Variants in RIMS1 observed in about 807,000 individuals in gnomAD.
RIMS1 encodes regulating synaptic membrane exocytosis 1.
Under a neutral mutation model 214.1 loss-of-function variants are expected in RIMS1, and 83 were observed. That is an observed-to-expected ratio of 0.39 (90% CI 0.32 to 0.47). The LOEUF (loss-of-function observed/expected upper bound fraction) is 0.47. Ranked by LOEUF, RIMS1 falls within the 20% of genes least tolerant of loss-of-function variation. The pLI, the probability that RIMS1 is intolerant of heterozygous loss-of-function variation, is 0.99. For synonymous variants in RIMS1, 793 were observed against 786.8 expected (o/e 1.01, Z -0.13); for missense variants, 2,050 against 2,161.8 (o/e 0.95, Z 1.03).
chr6:71,959,932 A>G (rs963888346), intron 1 of RIMS1, among the ~76,000 whole-genome samples: 1 of 152,252 alleles, frequency 6.6e-6, no homozygotes, highest in African/African-American at 2.4e-5. Flanking sequence ...AATATATGAT[A>G]TGTGACTATG....
intron 1 of RIMS1, among the ~76,000 whole-genome samples, chr6:71,962,909 C>T (rs1327575642): frequency 1.3e-5 from 2 of 151,968 alleles, no homozygotes; most frequent in Non-Finnish European, 2.9e-5. Flanking sequence ...CATAGTATTC[C>T]AGTATTGCCA....
At chr6:72,287,705 C>T (rs2092606652) in intron 24 of RIMS1, among the ~76,000 whole-genome samples, 1 of 151,660 alleles carries the variant, frequency 6.6e-6, no homozygotes, top group Admixed American at 6.6e-5. Context: ...AAGTGATTCT[C>T]CTGCCTCAGC....
intron 2 of RIMS1, among the ~76,000 whole-genome samples, chr6:72,039,571 C>A (rs2152074121): frequency 6.6e-6 from 1 of 152,130 alleles, no homozygotes. Flanking sequence ...GAAAAAGGTG[C>A]CCTTCATTAA....
At chr6:72,340,078 GTCT>G (rs1184299858) in intron 29 of RIMS1, among the ~76,000 whole-genome samples, 6 of 152,162 alleles carry the variant, frequency 3.9e-5, no homozygotes, top group Non-Finnish European at 8.8e-5. Flanking sequence ...CTGCATAAAT[GTCT>G]TCTTTTGAGA....
At chr6:72,351,555 T>C (rs1025981447) in intron 29 of RIMS1, among the ~76,000 whole-genome samples, 70 of 152,160 alleles carry the variant, frequency 4.6e-4, no homozygotes, top group Admixed American at 2.0e-3. Flanking sequence ...GACAATTGGC[T>C]GGATTCTTCA....
At chr6:72,379,539 G>A (rs16882353) in intron 29 of RIMS1, among the ~76,000 whole-genome samples, 21 of 152,170 alleles carry the variant, frequency 1.4e-4, no homozygotes, top group African/African-American at 4.3e-4. Context: ...TGTGAGGCCC[G>A]GAAAGAACAT....
chr6:72,128,349 G>A (rs2039926421), intron 4 of RIMS1, among the ~76,000 whole-genome samples: 1 of 152,064 alleles, frequency 6.6e-6, no homozygotes, highest in African/African-American at 2.4e-5. Flanking sequence ...AAGGAAAACT[G>A]TCTCTTCCTC....
intron 2 of RIMS1, among the ~76,000 whole-genome samples, chr6:72,071,061 T>C (rs1830470846): frequency 6.6e-6 from 1 of 152,136 alleles, no homozygotes; most frequent in South Asian, 2.1e-4. Context: ...TTGCCTATGG[T>C]GATGAGAACA....
chr6:71,900,425 T>G (rs1333815458), intron 1 of RIMS1, among the ~76,000 whole-genome samples: 1 of 152,150 alleles, frequency 6.6e-6, no homozygotes, highest in African/African-American at 2.4e-5. Context: ...AGATATGATA[T>G]AATCTTATTA....
chr6:72,368,453 T>C (rs2098115976), intron 29 of RIMS1, among the ~76,000 whole-genome samples: 1 of 123,500 alleles, frequency 8.1e-6, no homozygotes, highest in Admixed American at 7.8e-5. Context: ...CACGCCCAGA[T>C]AATTTTTTTT....
rs539408551 is a variant in RIMS1, at chr6:72,213,263, AGTTGTACCT to A, written c.1679-20509_1679-20501del. 251 of 1,495,368 alleles carry A rather than the reference AGTTGTACCT, an allele frequency of 1.7e-4. No homozygotes were observed. In the African/African-American group the frequency reaches 3.2e-3, roughly 19 times the overall value. The allele number at this position is 1,495,368 out of a possible 1,614,324, so 92.6% of individuals were successfully genotyped here. A position where few individuals can be genotyped will look rare whatever the true frequency, so the allele number is the denominator to read the frequency against. ...TGGTAATCCCACTTCATTTTGTCCCAGTTGTACCTAAATCTATATTTAACACTCCCTCTG... is the reference window on the plus strand; with the variant it reads ...TGGTAATCCCACTTCATTTTGTCCCAAAATCTATATTTAACACTCCCTCTG... On this transcript the variant is annotated intron_variant, in intron 6 of 33. Coordinates refer to ENST00000521978, the MANE Select transcript of RIMS1 (RefSeq NM_014989.7).
At chr6:72,171,358 G>A (rs895706573) in intron 4 of RIMS1, among the ~76,000 whole-genome samples, 3 of 148,670 alleles carry the variant, frequency 2.0e-5, no homozygotes, top group African/African-American at 7.4e-5. Flanking sequence ...GTGTGTGTGT[G>A]TATATATATA....
rs1446725010 is a variant in RIMS1, at chr6:72,267,305, T to C, written c.3398+1256T>C. ...AATATGTTTAGTTATTATTTTCTTA[T>C]ATGTTTCTGGTTAGTAGTAAAACAA... On this transcript the variant is annotated intron_variant, in intron 22 of 33. Coordinates refer to ENST00000521978, the MANE Select transcript of RIMS1 (RefSeq NM_014989.7). Among the ~76,000 whole-genome samples the C allele has an allele frequency of 2.6e-5, 4 of 152,116 alleles. No homozygotes were observed. In the East Asian group the frequency reaches 5.8e-4, roughly 22 times the overall value.
chr6:72,093,074 T>G (rs1181253089), intron 2 of RIMS1, among the ~76,000 whole-genome samples: 5 of 151,898 alleles, frequency 3.3e-5, no homozygotes, highest in Non-Finnish European at 7.4e-5. Flanking sequence ...AAAACATACA[T>G]GTAAGGTGTA....
intron 1 of RIMS1, among the ~76,000 whole-genome samples, chr6:71,937,029 C>G (rs1482429700): frequency 6.6e-5 from 10 of 152,212 alleles, no homozygotes; most frequent in Admixed American, 6.5e-4. Flanking sequence ...CCTCTTTGGT[C>G]TCACCAGCTG....
intron 1 of RIMS1, 140 bp downstream of exon 1, chr6:71,887,327 C>G: frequency 9.2e-7 from 1 of 1,090,198 alleles, no homozygotes; most frequent in South Asian, 1.5e-5. Flanking sequence ...CCGCCTTGGG[C>G]CAGGGGCGCG....
rs1009920136 is a variant in RIMS1, at chr6:72,209,528, G to A, written c.1679-24245G>A. On this transcript the variant is annotated intron_variant, in intron 6 of 33. Transcript: ENST00000521978. ...TGTGTCTTGAATATTGATTTATTCT[G>A]TTTTTAGCTGTATGCAATCGGAATT... Among the ~76,000 whole-genome samples, 4 of 152,122 alleles carry A rather than the reference G, an allele frequency of 2.6e-5. 1 individual carries two copies. The East Asian group carries it at 5.8e-4, about 22-fold the overall frequency.
At chr6:71,965,570 A>G (rs1306673039) in intron 1 of RIMS1, among the ~76,000 whole-genome samples, 1 of 152,198 alleles carries the variant, frequency 6.6e-6, no homozygotes, top group Non-Finnish European at 1.5e-5. Flanking sequence ...GCAACCATTC[A>G]TCGCATTGAT....
At chr6:72,317,679 A>G (rs1164107481) in intron 28 of RIMS1, among the ~76,000 whole-genome samples, 3 of 152,198 alleles carry the variant, frequency 2.0e-5, no homozygotes, top group Non-Finnish European at 4.4e-5. Context: ...ACAGGATAAA[A>G]TTCAAAAGTA....
Sources: allele counts gnomAD v4.1 joint callset (sites outside exome capture counted in the v4.1 genomes callset), GRCh38; gene constraint gnomAD v4.1.1; transcripts MANE v1.5; gene names NCBI Gene and HGNC (gene_info 2026-07-23, HGNC 2026-07-21).